Variants in SYT3 observed in about 807,000 individuals in gnomAD.
SYT3 encodes synaptotagmin-3.
Under a neutral mutation model 50.6 loss-of-function variants are expected in SYT3, and 25 were observed. The ratio of observed to expected loss-of-function variants is 0.49; its 90% CI spans 0.36 to 0.69. The LOEUF is 0.69. Among genes scored for constraint, SYT3 ranks in the 30% least tolerant of loss-of-function variants. The probability of loss-of-function intolerance (pLI) is 0.00; values close to 1 mark genes in which losing one functional copy is unlikely to be tolerated. For synonymous variants in SYT3, 323 were observed against 353.9 expected (o/e 0.91, Z 0.98); for missense variants, 589 against 793.6 (o/e 0.74, Z 3.10).
chr19:50,637,236 G>A lies in SYT3; in HGVS notation c.148+28C>T. 1 of 1,605,658 alleles carries A rather than the reference G, an allele frequency of 6.2e-7. No homozygotes were observed. Among genetic ancestry groups the A allele is most frequent in the South Asian group, 1.1e-5 (1 of 90,902 alleles). Reference sequence around the variant, plus strand: ...CTCCTGGCCATAGTGCAAGCAGGGGGCTGGCCAAGACAGGCAGGGGTGCTG... The same window carrying A: ...CTCCTGGCCATAGTGCAAGCAGGGGACTGGCCAAGACAGGCAGGGGTGCTG... On this transcript the variant is annotated intron_variant, in intron 3 of 10. Coordinates refer to ENST00000600079, the MANE Select transcript of SYT3 (RefSeq NM_001160329.2). The surrounding 1 kb of genome is among the most constrained non-coding windows in gnomAD (Gnocchi z 4.9).
At chr19:50,656,372 C>A in the SYT3 span, 1 of 1,523,020 alleles carries the variant, frequency 6.6e-7, no homozygotes, top group Non-Finnish European at 8.8e-7. Context: ...CCCTTATTTT[C>A]TGCACAGTTT....
the SYT3 span, among the ~76,000 whole-genome samples, chr19:50,648,577 G>C: frequency 1.1e-4 from 12 of 113,392 alleles, no homozygotes; most frequent in African/African-American, 4.4e-4. Flanking sequence ...TAGCACGAGA[G>C]GCCCCGTGAG....
At chr19:50,650,189 CAG>C in the SYT3 span, among the ~76,000 whole-genome samples, 1 of 152,216 alleles carries the variant, frequency 6.6e-6, no homozygotes, top group Non-Finnish European at 1.5e-5. Context: ...ACCTCTAGGA[CAG>C]AGACCCAAAG....
At chr19:50,630,527 A>G (rs1054997062) in intron 4 of SYT3, among the ~76,000 whole-genome samples, 1 of 151,926 alleles carries the variant, frequency 6.6e-6, no homozygotes, top group African/African-American at 2.4e-5. Context: ...GGTTCAAGTG[A>G]TTATCCTGCC....
the SYT3 span, among the ~76,000 whole-genome samples, chr19:50,651,129 C>A: frequency 3.3e-5 from 5 of 152,310 alleles, no homozygotes; most frequent in African/African-American, 1.2e-4. Flanking sequence ...ATGGATGAAA[C>A]GGCCTGGCTT....
intron 3 of SYT3, among the ~76,000 whole-genome samples, chr19:50,636,822 T>C (rs1984510266): frequency 6.6e-6 from 1 of 152,242 alleles, no homozygotes; most frequent in Non-Finnish European, 1.5e-5. Flanking sequence ...GTAGGTGTTA[T>C]ATCATTTAAG....
At chr19:50,622,601 A>G (rs1983891050) in intron 10 of SYT3, 86 bp downstream of exon 10, 2 of 947,110 alleles carry the variant, frequency 2.1e-6, no homozygotes, top group Non-Finnish European at 3.5e-6. Flanking sequence ...CCTCCCTCAG[A>G]CCCAGGAGTC....
chr19:50,625,848 C>A lies in SYT3; in HGVS notation c.1402+49G>T, dbSNP rs1357307139. 6.5e-7 allele frequency: 1 copy of A among 1,534,988 alleles called. No homozygotes were observed. Among genetic ancestry groups the A allele is most frequent in the Non-Finnish European group, 8.9e-7 (1 of 1,124,530 alleles). On this transcript the variant is annotated intron_variant, in intron 7 of 10. Transcript: ENST00000600079. This position sits in a 1 kb window ranked among gnomAD's most constrained non-coding sequence, Gnocchi z 7.5. ...GCCCCTGGCCCCTCCTCCCTCAGAC[C>A]CAGGAGTCCAGGCCCCCAGCCCTCC...
In SYT3 at chr19:50,639,067, C is replaced by T; in HGVS notation, c.-58G>A. ...GTGTCCTGGGTGGCAGCCGAGGCGG[C>T]GGCGGGCGGCAGCCCATGGGGGTTC... On this transcript the variant is annotated 5_prime_UTR_variant, in exon 2 of 11. Transcript: ENST00000600079. The surrounding 1 kb of genome is among the most constrained non-coding windows in gnomAD (Gnocchi z 4.6). 6.5e-6 allele frequency: 1 copy of T among 153,614 alleles called. No individual in the cohort carries two copies. The highest frequency in any genetic ancestry group is 1.4e-5 in the Non-Finnish European group (1 of 69,130). 9.5% of individuals were successfully genotyped at this position (153,614 alleles called of 1,614,324 possible). A position where few individuals can be genotyped will look rare whatever the true frequency, so the allele number is the denominator to read the frequency against.
At chr19:50,643,559 T>G (rs1984712604), upstream of SYT3, among the ~76,000 whole-genome samples, 1 of 152,094 alleles carries the variant, frequency 6.6e-6, no homozygotes, top group Non-Finnish European at 1.5e-5. Flanking sequence ...ATTTGAGGAC[T>G]TGCATGCTAC....
rs548861921 is a variant in SYT3, at chr19:50,636,408, C to T, written c.148+856G>A. ...CAGGATTCAGTTCTGCCTCTGCTAC[C>T]ATTGAGCCTCTGGGCAAGTGACTGC... is the stretch of plus-strand genomic sequence containing the variant. On this transcript the variant is annotated intron_variant, in intron 3 of 10. Transcript: ENST00000600079. Among the ~76,000 whole-genome samples the T allele has an allele frequency of 2.0e-5, 3 of 152,312 alleles. No individual in the cohort carries two copies. In the South Asian group the frequency reaches 6.2e-4, roughly 32 times the overall value.
At chr19:50,650,180 CCT>C in the SYT3 span, among the ~76,000 whole-genome samples, 2 of 152,328 alleles carry the variant, frequency 1.3e-5, no homozygotes, top group Non-Finnish European at 2.9e-5. Flanking sequence ...CTTCCTGTCA[CCT>C]CTAGGACAGA....
chr19:50,638,420 T>G (rs1599821684), intron 2 of SYT3, among the ~76,000 whole-genome samples: 5 of 143,730 alleles, frequency 3.5e-5, no homozygotes, highest in Admixed American at 6.9e-5. Flanking sequence ...GAGCTGGGGG[T>G]GGAGAGGTGG....
At chr19:50,630,206 A>G (rs904335775) in intron 4 of SYT3, 35 bp from the exon 5 acceptor site, 17 of 1,480,936 alleles carry the variant, frequency 1.1e-5, no homozygotes, top group East Asian at 2.4e-5. Flanking sequence ...AGGTGAGGTC[A>G]GTGGCTCTGA....
chr19:50,643,375 T>C (rs1401762773), upstream of SYT3, among the ~76,000 whole-genome samples: 1 of 151,470 alleles, frequency 6.6e-6, no homozygotes, highest in Admixed American at 6.6e-5. Context: ...CCCGGATGGA[T>C]GTGCGTTTAC....
the SYT3 span, among the ~76,000 whole-genome samples, chr19:50,654,387 C>T: frequency 6.6e-6 from 1 of 152,132 alleles, no homozygotes; most frequent in Non-Finnish European, 1.5e-5. Context: ...ACTGCAACCT[C>T]TGCCTCCTGG....
upstream of SYT3, among the ~76,000 whole-genome samples, chr19:50,641,320 C>T (rs1006217593): frequency 2.0e-5 from 3 of 150,962 alleles, no homozygotes; most frequent in Non-Finnish European, 3.0e-5. Flanking sequence ...GCTGGGACTA[C>T]AGGCGCCTGC....
intron 6 of SYT3, among the ~76,000 whole-genome samples, chr19:50,627,550 G>C (rs1984120690): frequency 6.6e-6 from 1 of 152,088 alleles, no homozygotes; most frequent in African/African-American, 2.4e-5. Flanking sequence ...GCGAAACCCT[G>C]TCTCTACTAA....
At chr19:50,653,688 A>G in the SYT3 span, among the ~76,000 whole-genome samples, 4 of 8,270 alleles carry the variant, frequency 4.8e-4, no homozygotes, top group Non-Finnish European at 8.4e-4. Context: ...GACAGCACAC[A>G]CACACACACA....
Sources: allele counts gnomAD v4.1 joint callset (sites outside exome capture counted in the v4.1 genomes callset), GRCh38; gene constraint gnomAD v4.1.1; non-coding constraint Gnocchi (gnomAD v3.1); transcripts MANE v1.5; gene names NCBI Gene and HGNC (gene_info 2026-07-23, HGNC 2026-07-21).